TF: variants seen among roughly 807,000 people sequenced by gnomAD.
TF encodes serotransferrin.
Under a neutral mutation model 82.4 loss-of-function variants are expected in TF, and 55 were observed. That is an observed-to-expected ratio of 0.67 (90% CI 0.54 to 0.84). The LOEUF (loss-of-function observed/expected upper bound fraction) is 0.84. Among genes scored for constraint, TF ranks in the 40% least tolerant of loss-of-function variants. TF has a pLI of 0.00. For missense variants in TF, 737 were observed against 868.4 expected (o/e 0.85, Z 1.90); for synonymous variants, 332 against 332.6 (o/e 1.00, Z 0.02).
chr3:133,711,942 C>T, the TF span, among the ~76,000 whole-genome samples: 14 of 152,180 alleles, frequency 9.2e-5, no homozygotes, highest in African/African-American at 3.1e-4. Flanking sequence ...CAACACAGGC[C>T]TGTGCAGATG....
In TF at chr3:133,787,056, T is replaced by A. The variant is rs951236914; in HGVS notation, c.*8436T>A. On this transcript the variant is annotated 3_prime_UTR_variant, in exon 17 of 17. Transcript: ENST00000402696. ...GAAGAAATTGCCAAAGGTAATATGC[T>A]AGTGTGTTCATACTTGGACATTTCA... 3.3e-5 allele frequency: 5 copies of A among 152,280 alleles called. No individual in the cohort carries two copies. The highest frequency in any genetic ancestry group is 7.3e-5 in the Non-Finnish European group (5 of 68,084). 9.4% of individuals were successfully genotyped at this position (152,280 alleles called of 1,614,324 possible).
chr3:133,711,811 C>G, the TF span, among the ~76,000 whole-genome samples: 1 of 152,074 alleles, frequency 6.6e-6, no homozygotes, highest in African/African-American at 2.4e-5. Context: ...CGATAAAGAA[C>G]AAAACTAATG....
rs781514986 is a variant in TF at position 133,759,262 on chromosome 3, T to C, written c.1136T>C (p.Val379Ala). The C allele has an allele frequency of 6.2e-7, 1 of 1,613,984 alleles. No homozygotes were observed. The highest frequency in any genetic ancestry group is 8.5e-7 in the Non-Finnish European group (1 of 1,179,986). Reference protein sequence around the residue: ...HERLKCDEWSVNSVGKIECVS... With the variant: ...HERLKCDEWSANSVGKIECVS... ...AGGCTCAAGTGTGATGAGTGGAGTG[T>C]TAACAGTGTAGGGAAAATAGAGTGT... is the stretch of plus-strand genomic sequence containing the variant. Residue 379 changes from valine to alanine, a missense_variant, in exon 9 of 17, where the codon GTT (valine) becomes GCT (alanine). Val to Ala is a moderately conservative substitution (Grantham distance 64, BLOSUM62 0). Transcript: ENST00000402696.
chr3:133,699,739 T>G, the TF span: 1 of 391,664 alleles, frequency 2.6e-6, no homozygotes, highest in Non-Finnish European at 5.0e-6. Flanking sequence ...CAGGGTACAG[T>G]GGGAGCCATG....
chr3:133,784,581 G>C lies in TF; in HGVS notation c.*5961G>C, dbSNP rs1934609364. The C allele has an allele frequency of 6.6e-6, 1 of 152,030 alleles. No individual in the cohort carries two copies. Among genetic ancestry groups the C allele is most frequent in the African/African-American group, 2.4e-5 (1 of 41,380 alleles). The allele number at this position is 152,030 out of a possible 1,614,324, so 9.4% of individuals were successfully genotyped here. A position where few individuals can be genotyped will look rare whatever the true frequency, so the allele number is the denominator to read the frequency against. ...ACCACCTCTGGAAGTGACAGCAGGA[G>C]CCACACATCCACGTTTATTAAGTGA... On this transcript the variant is annotated 3_prime_UTR_variant, in exon 17 of 17. Coordinates refer to ENST00000402696, the MANE Select transcript of TF (RefSeq NM_001063.4).
At chr3:133,725,600 A>C in the TF span, among the ~76,000 whole-genome samples, 2 of 151,960 alleles carry the variant, frequency 1.3e-5, no homozygotes, top group Non-Finnish European at 2.9e-5. Context: ...TGTCATCTGC[A>C]AACAGGGACA....
intron 1 of TF, among the ~76,000 whole-genome samples, chr3:133,747,693 A>C (rs1175152479): frequency 6.6e-6 from 1 of 152,238 alleles, no homozygotes; most frequent in Admixed American, 6.5e-5. Context: ...GGGATAGTTC[A>C]GTGGAGACAG....
At chr3:133,737,288 C>G in the TF span, among the ~76,000 whole-genome samples, 2 of 152,100 alleles carry the variant, frequency 1.3e-5, no homozygotes, top group Non-Finnish European at 2.9e-5. Context: ...ACACAATGTA[C>G]CAGAATCTCT....
intron 14 of TF, chr3:133,774,540 A>T (rs1327189059): frequency 6.6e-6 from 1 of 152,422 alleles, no homozygotes; most frequent in Admixed American, 6.5e-5. Context: ...AAACATGTGA[A>T]ATCCATATAC....
At chr3:133,748,185 T>A in intron 1 of TF, 1 of 597,010 alleles carries the variant, frequency 1.7e-6, no homozygotes, top group Non-Finnish European at 3.0e-6. Context: ...CCTGCACCCC[T>A]CTGGCCAGCA....
intron 1 of TF, 151 bp downstream of exon 1, chr3:133,746,634 C>A (rs1208460478): frequency 4.4e-5 from 37 of 849,404 alleles, no homozygotes; most frequent in Non-Finnish European, 6.5e-5. Flanking sequence ...ACGCCCCACC[C>A]CTGGCCTTTG....
chr3:133,699,833 C>T, the TF span: 21 of 213,346 alleles, frequency 9.8e-5, no homozygotes, highest in Middle Eastern at 3.3e-3. Context: ...TCTGGAACCA[C>T]GAACCTGGTG....
chr3:133,768,068 A>C lies in TF; in HGVS notation c.1526A>C (p.Lys509Thr). The change falls in exon 13 of 17, where the codon AAA (lysine) becomes ACA (threonine). Residue 509 changes from lysine to threonine, a missense_variant. Coordinates refer to ENST00000402696, the MANE Select transcript of TF (RefSeq NM_001063.4). ...GAAGGTTGTGCCCCTGGGTCTAAGA[A>C]AGACTCCAGTCTCTGTAAGCTGTGT... ...FSEGCAPGSKKDSSLCKLCMG... is the reference protein window; with the variant it reads ...FSEGCAPGSKTDSSLCKLCMG... The C allele has an allele frequency of 6.2e-7, 1 of 1,614,166 alleles. No homozygotes were observed.
chr3:133,727,863 C>T, the TF span, among the ~76,000 whole-genome samples: 1 of 146,340 alleles, frequency 6.8e-6, no homozygotes, highest in Non-Finnish European at 1.5e-5. Context: ...GTGACAAAAT[C>T]TCTCAGCATT....
In TF at chr3:133,748,554, C is replaced by T; in HGVS notation, c.186C>T (p.Ala62=). ...CCAGTGTTGCTTGTGTGAAGAAAGCCTCCTACCTTGATTGCATCAGGGCCA... is the reference window on the plus strand; with the variant it reads ...CCAGTGTTGCTTGTGTGAAGAAAGCTTCCTACCTTGATTGCATCAGGGCCA... The part of the protein sequence containing the change: ...DGPSVACVKK[A]SYLDCIRAIA... The change falls in exon 2 of 17, where the codon GCC becomes GCT. Residue 62 remains alanine, a synonymous_variant. Coordinates refer to ENST00000402696, the MANE Select transcript of TF (RefSeq NM_001063.4). 1 of 1,614,116 alleles carries T rather than the reference C, an allele frequency of 6.2e-7. No individual in the cohort carries two copies. The highest frequency in any genetic ancestry group is 8.5e-7 in the Non-Finnish European group (1 of 1,180,012).
the TF span, among the ~76,000 whole-genome samples, chr3:133,673,068 CT>C: frequency 6.6e-6 from 1 of 152,178 alleles, no homozygotes; most frequent in Non-Finnish European, 1.5e-5. Flanking sequence ...TATCACCCTT[CT>C]ACTCAATTTT....
rs115728357 is a variant in TF at position 133,766,806 on chromosome 3, T to C, written c.1486+373T>C. On this transcript the variant is annotated intron_variant, in intron 12 of 16. Coordinates refer to ENST00000402696, the MANE Select transcript of TF (RefSeq NM_001063.4). ...GACTTCCATCTTCAAGGTCACCCCA[T>C]GGTTGCCATCGCATCCATGATCCAG... 2.8e-3 allele frequency among the ~76,000 whole-genome samples: 429 copies of C among 152,280 alleles called. 1 individual carries two copies. Among genetic ancestry groups the C allele is most frequent in the African/African-American group, 9.2e-3 (384 of 41,566 alleles).
chr3:133,732,335 G>C, the TF span, among the ~76,000 whole-genome samples: 1 of 152,124 alleles, frequency 6.6e-6, no homozygotes, highest in Non-Finnish European at 1.5e-5. Context: ...CTAGCTAAAG[G>C]TTTGTAAATG....
At chr3:133,695,319 C>G in the TF span, among the ~76,000 whole-genome samples, 1 of 143,546 alleles carries the variant, frequency 7.0e-6, no homozygotes, top group East Asian at 2.0e-4. Flanking sequence ...ATGATCTCGG[C>G]TTACTGCAAC....
Sources: allele counts gnomAD v4.1 joint callset (sites outside exome capture counted in the v4.1 genomes callset), GRCh38; gene constraint gnomAD v4.1.1; transcripts MANE v1.5; gene names NCBI Gene and HGNC (gene_info 2026-07-23, HGNC 2026-07-21).